ELMOD1: variants seen among roughly 807,000 people sequenced by gnomAD.
ELMOD1 encodes ELMO domain-containing protein 1.
ELMOD1 carries 21 observed loss-of-function variants against 46.7 expected under a neutral mutation model. The observed-to-expected ratio is 0.45, with a 90% CI of 0.32 to 0.65. The LOEUF is 0.65. Among genes scored for constraint, ELMOD1 ranks in the 30% least tolerant of loss-of-function variants. The pLI, the probability that ELMOD1 is intolerant of heterozygous loss-of-function variation, is 0.04. For missense variants in ELMOD1, 348 were observed against 407.8 expected, an observed-to-expected ratio of 0.85 and a Z score of 1.26; for synonymous variants, 122 against 138.2, an observed-to-expected ratio of 0.88 and a Z score of 0.82.
chr11:107,602,515 T>C (rs1281959447), intron 1 of ELMOD1, among the ~76,000 whole-genome samples: 1 of 152,160 alleles, frequency 6.6e-6, no homozygotes, highest in Non-Finnish European at 1.5e-5. Flanking sequence ...TTCTGGCAGA[T>C]TCCCTCAAAT....
At chr11:107,643,676 T>C (rs1306428078) in intron 6 of ELMOD1, 1 of 528,068 alleles carries the variant, frequency 1.9e-6, no homozygotes, top group African/African-American at 1.9e-5. Context: ...CCTTAAATGT[T>C]CATACTTCCA....
intron 11 of ELMOD1, 73 bp from the exon 12 acceptor site, chr11:107,664,952 T>A: frequency 7.0e-7 from 1 of 1,425,778 alleles, no homozygotes; most frequent in Non-Finnish European, 9.6e-7. Context: ...TTCCTCAGCA[T>A]TCAGAATGAT....
At chr11:107,593,765 A>G (rs1865445610) in intron 1 of ELMOD1, among the ~76,000 whole-genome samples, 1 of 152,198 alleles carries the variant, frequency 6.6e-6, no homozygotes, top group Non-Finnish European at 1.5e-5. Flanking sequence ...AAATATTATT[A>G]GTTGTTTATC....
Position 107,647,460 on chromosome 11 carries a change from TCCTACA to T in ELMOD1, c.421-7_421-2del. On this transcript the variant is annotated splice_acceptor_variant and splice_polypyrimidine_tract_variant and intron_variant, in intron 6 of 11. Transcript: ENST00000265840. LOFTEE classifies it high-confidence loss of function. ...TCAACAGAGTAATCCTTTTTTTTTTTCCTACAGTTATGGAAATTCTTGAAGCCCAAT... is the reference window on the plus strand; with the variant it reads ...TCAACAGAGTAATCCTTTTTTTTTTTGTTATGGAAATTCTTGAAGCCCAAT... 1 of 1,604,622 alleles carries T rather than the reference TCCTACA, an allele frequency of 6.2e-7. No homozygotes were observed. Among genetic ancestry groups the T allele is most frequent in the African/African-American group, 1.3e-5 (1 of 74,302 alleles).
chr11:107,608,327 C>G (rs1022097320), intron 1 of ELMOD1, among the ~76,000 whole-genome samples: 4 of 150,944 alleles, frequency 2.6e-5, no homozygotes, highest in African/African-American at 9.8e-5. Flanking sequence ...AAATATTTTA[C>G]CAGCCACTAG....
At chr11:107,610,386 G>T (rs1865754827) in intron 1 of ELMOD1, among the ~76,000 whole-genome samples, 1 of 152,006 alleles carries the variant, frequency 6.6e-6, no homozygotes. Context: ...GTCAATATCT[G>T]GGCCAGGCCT....
At chr11:107,644,985 G>A (rs1373803103) in intron 6 of ELMOD1, among the ~76,000 whole-genome samples, 4 of 148,398 alleles carry the variant, frequency 2.7e-5, no homozygotes, top group South Asian at 4.3e-4. Flanking sequence ...GTGCAGTGGC[G>A]CGATCTCGGC....
At chr11:107,644,417 G>T (rs1190101402) in intron 6 of ELMOD1, among the ~76,000 whole-genome samples, 1 of 152,022 alleles carries the variant, frequency 6.6e-6, no homozygotes, top group African/African-American at 2.4e-5. Context: ...GAAATGAAGC[G>T]CCTGCTTTTG....
At position 107,650,348 on chromosome 11, in the gene ELMOD1, A is replaced by G. The variant is rs1170850158; in HGVS notation, c.568A>G (p.Arg190Gly). 2 of 1,588,570 alleles carry G rather than the reference A, an allele frequency of 1.3e-6. No homozygotes were observed. Among genetic ancestry groups the G allele is most frequent in the Non-Finnish European group, 1.7e-6 (2 of 1,166,080 alleles). Residue 190 changes from arginine (R) to glycine (G), a missense_variant, in exon 8 of 12, where the codon AGG becomes GGG. By Grantham distance (125) the Arg-to-Gly change is moderately radical. Transcript: ENST00000265840. ...CTCCCGCTGCAGGTATTTCGCGGAA[A>G]GGGATGCCACAGCAGCTCAGCAGGT... ...GLYNLQYFAE[R>G]DATAAQQVLS... is the part of the protein sequence containing the mutation.
rs551504044 is a variant in ELMOD1 at position 107,606,353 on chromosome 11, C to T, written c.-85-11752C>T. ...AGCTCCTCACATGGCAGGTGGCTTA[C>T]CATCTACTCATCTACAAACCATCTG... On this transcript the variant is annotated intron_variant, in intron 1 of 11. Transcript: ENST00000265840. Among the ~76,000 whole-genome samples the T allele has an allele frequency of 2.0e-3, 304 of 152,316 alleles. 3 individuals are homozygous for T. The South Asian group carries it at 0.031, about 16-fold the overall frequency.
intron 6 of ELMOD1, chr11:107,642,809 A>T (rs148515713): frequency 5.4e-6 from 1 of 186,824 alleles, no homozygotes; most frequent in Non-Finnish European, 1.2e-5. Flanking sequence ...TACATGATTG[A>T]TGGGTCTAAA....
chr11:107,625,262 A>AT lies in ELMOD1; in HGVS notation c.18-5153dup, dbSNP rs574689028. ...AGCAACTAAATGATCTGTCGGGGAC[A>AT]TTGAGCCGCTTGCTCTTCTTTATGA... On this transcript the variant is annotated intron_variant, in intron 2 of 11. Coordinates refer to ENST00000265840, the MANE Select transcript of ELMOD1 (RefSeq NM_018712.4). The AT allele has an allele frequency of 7.0e-5, 29 of 414,098 alleles. 2 individuals are homozygous for AT. The South Asian group carries it at 2.8e-3, about 39-fold the overall frequency. 25.7% of individuals were successfully genotyped at this position (414,098 alleles called of 1,614,324 possible). A position where few individuals can be genotyped will look rare whatever the true frequency, so the allele number is the denominator to read the frequency against.
At position 107,615,229 on chromosome 11, in the gene ELMOD1, C is replaced by CTTTTTTTTTT. The variant is rs34461488; in HGVS notation, c.-85-2860_-85-2851dup. 1.7e-4 allele frequency among the ~76,000 whole-genome samples: 14 copies of CTTTTTTTTTT among 81,136 alleles called. 1 individual carries two copies. Among genetic ancestry groups the CTTTTTTTTTT allele is most frequent in the African/African-American group, 2.5e-4 (5 of 19,652 alleles). The allele number at this position is 81,136 out of a possible 152,430, so 53.2% of individuals were successfully genotyped here. On this transcript the variant is annotated intron_variant, in intron 1 of 11. Coordinates refer to ENST00000265840, the MANE Select transcript of ELMOD1 (RefSeq NM_018712.4). ...TTATACTTTCCCCTGTTGTCAGCAT[C>CTTTTTTTTTT]TTTTTTTTTTTTTTTTTTTTTTTTT...
At chr11:107,593,241 T>C (rs922989059) in intron 1 of ELMOD1, 1 of 152,448 alleles carries the variant, frequency 6.6e-6, no homozygotes, top group Non-Finnish European at 1.5e-5. Flanking sequence ...TGTTTATTTC[T>C]CTTTTTGCAT....
chr11:107,610,661 T>TA (rs1191411968), intron 1 of ELMOD1, among the ~76,000 whole-genome samples: 1,378 of 100,698 alleles, frequency 0.014, 15 homozygotes, highest in Middle Eastern at 0.024. Context: ...AGATCCTATC[T>TA]AAAAAAAAAA....
intron 11 of ELMOD1, among the ~76,000 whole-genome samples, chr11:107,662,234 C>CA (rs1187262175): frequency 8.5e-5 from 13 of 152,202 alleles, no homozygotes; most frequent in Non-Finnish European, 1.6e-4. Context: ...GCCTCAAACT[C>CA]CTGGGCTCAA....
At chr11:107,656,135 C>T in intron 11 of ELMOD1, 69 bp downstream of exon 11, 3 of 1,509,672 alleles carry the variant, frequency 2.0e-6, no homozygotes, top group Non-Finnish European at 2.7e-6. Flanking sequence ...CCCCTGTAAT[C>T]CCAGCACTTT....
chr11:107,611,560 C>T (rs1865780508), intron 1 of ELMOD1, among the ~76,000 whole-genome samples: 1 of 151,720 alleles, frequency 6.6e-6, no homozygotes, highest in African/African-American at 2.4e-5. Flanking sequence ...AAAAAATTAG[C>T]CGGTCGTGGT....
Position 107,656,022 on chromosome 11 carries a change from T to C in ELMOD1, c.788T>C (p.Ile263Thr). 1 of 1,563,900 alleles carries C rather than the reference T, an allele frequency of 6.4e-7. No homozygotes were observed. The highest frequency in any genetic ancestry group is 8.7e-7 in the Non-Finnish European group (1 of 1,152,284). The change falls in exon 11 of 12, where the codon ATC becomes ACC. Residue 263 changes from isoleucine to threonine, a missense_variant. Ile to Thr is a moderately conservative substitution (Grantham distance 89). Coordinates refer to ENST00000265840, the MANE Select transcript of ELMOD1 (RefSeq NM_018712.4). ...SGALKTHFYN[I>T]APEAPTLSHF... ...GCTCTAAAAACCCATTTCTACAATA[T>C]CGCCCCAGAAGCTCCAACATTGTCT...
Sources: allele counts gnomAD v4.1 joint callset (sites outside exome capture counted in the v4.1 genomes callset), GRCh38; gene constraint gnomAD v4.1.1; transcripts MANE v1.5; gene names NCBI Gene and HGNC (gene_info 2026-07-23, HGNC 2026-07-21).